Variants in SEC61B observed in about 807,000 individuals in gnomAD.
The protein encoded by SEC61B is SEC61 translocon subunit beta, also known as protein transport protein Sec61 subunit beta.
A neutral mutation model predicts 12.6 loss-of-function variants in SEC61B; 7 were observed. The ratio of observed to expected loss-of-function variants is 0.55; its 90% confidence interval spans 0.32 to 1.04. The LOEUF (loss-of-function observed/expected upper bound fraction) is 1.04, where lower values mean the gene tolerates loss of function less well. SEC61B is among the 50% of genes least tolerant of loss of function. The pLI is 0.05. For synonymous variants in SEC61B, 54 were observed against 50.1 expected (o/e 1.08, Z -0.33); for missense variants, 107 against 130.1 (o/e 0.82, Z 0.86).
At chr9:99,227,017 C>T (rs1482476709) in intron 2 of SEC61B, among the ~76,000 whole-genome samples, 1 of 151,920 alleles carries the variant, frequency 6.6e-6, no homozygotes, top group African/African-American at 2.4e-5. Context: ...CCTGTAATCC[C>T]AGCACTTTGG....
chr9:99,227,847 T>C, intron 2 of SEC61B, 52 bp from the exon 3 acceptor site: 1 of 1,279,372 alleles, frequency 7.8e-7, no homozygotes, highest in Non-Finnish European at 1.1e-6. Flanking sequence ...GTTATAATGC[T>C]ATTCTAATAA....
intron 3 of SEC61B, among the ~76,000 whole-genome samples, 197 bp from the exon 4 acceptor site, chr9:99,230,140 A>G (rs1271376863): frequency 6.6e-6 from 1 of 152,250 alleles, no homozygotes; most frequent in Non-Finnish European, 1.5e-5. Flanking sequence ...ACACAATTGC[A>G]GTGCCATCAT....
At chr9:99,223,882 G>T (rs1201438581) in intron 2 of SEC61B, among the ~76,000 whole-genome samples, 1 of 152,092 alleles carries the variant, frequency 6.6e-6, no homozygotes, top group Non-Finnish European at 1.5e-5. Flanking sequence ...TTTCCCTTTT[G>T]CCCCCATAGC....
chr9:99,225,303 G>T (rs1469148384), intron 2 of SEC61B, among the ~76,000 whole-genome samples: 2 of 152,198 alleles, frequency 1.3e-5, no homozygotes. Context: ...CTGGGTGGGG[G>T]ATAGAGAGTG....
intron 2 of SEC61B, among the ~76,000 whole-genome samples, chr9:99,223,686 C>T (rs1828864107): frequency 6.6e-6 from 1 of 152,230 alleles, no homozygotes; most frequent in African/African-American, 2.4e-5. Flanking sequence ...GCCACTGCGC[C>T]CGGCCTTCAG....
intron 3 of SEC61B, among the ~76,000 whole-genome samples, chr9:99,228,347 A>G (rs1236489601): frequency 2.0e-5 from 3 of 152,202 alleles, no homozygotes; most frequent in Non-Finnish European, 4.4e-5. Context: ...AGGAGTAATC[A>G]TTTGAATAGG....
At chr9:99,226,508 G>A (rs1229914267) in intron 2 of SEC61B, among the ~76,000 whole-genome samples, 3 of 152,180 alleles carry the variant, frequency 2.0e-5, no homozygotes, top group African/African-American at 7.2e-5. Context: ...TTGAGGGAGG[G>A]TATACTGGGA....
intron 2 of SEC61B, among the ~76,000 whole-genome samples, chr9:99,227,138 C>T (rs573782324): frequency 1.3e-5 from 2 of 151,930 alleles, no homozygotes; most frequent in East Asian, 1.9e-4. Context: ...TGGTGGCGCA[C>T]GCCTGTAATC....
At chr9:99,223,333 A>AG (rs1828857215) in intron 2 of SEC61B, among the ~76,000 whole-genome samples, 1 of 121,356 alleles carries the variant, frequency 8.2e-6, no homozygotes, top group Admixed American at 1.0e-4. Context: ...ACAAACAAAC[A>AG]AAAAAAAAAA....
Position 99,222,319 on chromosome 9 carries a change from C to G in SEC61B, c.-45C>G. ...TGCCGGTCTTTCGGGGGCTCCGTAA[C>G]TTTCTATCCGTCCGCGTCAGCGCCT... On this transcript the variant is annotated 5_prime_UTR_variant, in exon 1 of 4. Coordinates refer to ENST00000223641, the MANE Select transcript of SEC61B (RefSeq NM_006808.3). The G allele has an allele frequency of 6.2e-7, 1 of 1,614,132 alleles. No homozygotes were observed. The highest frequency in any genetic ancestry group is 8.5e-7 in the Non-Finnish European group (1 of 1,179,998).
At chr9:99,223,631 G>A (rs539858751) in intron 2 of SEC61B, among the ~76,000 whole-genome samples, 1 of 151,342 alleles carries the variant, frequency 6.6e-6, no homozygotes, top group African/African-American at 2.4e-5. Flanking sequence ...CTGACCTTGT[G>A]ATCCTCCGTC....
intron 2 of SEC61B, chr9:99,223,199 C>G (rs917485240): frequency 1.3e-5 from 2 of 152,072 alleles, no homozygotes; most frequent in Non-Finnish European, 1.5e-5. Context: ...TTTCCTTTTC[C>G]CTTTCTACTG....
intron 2 of SEC61B, among the ~76,000 whole-genome samples, chr9:99,227,418 C>G (rs1321331727): frequency 6.6e-6 from 1 of 151,888 alleles, no homozygotes; most frequent in Admixed American, 6.6e-5. Flanking sequence ...TAAAATACAT[C>G]TTTTAAAGTA....
chr9:99,225,488 G>A (rs1828884253), intron 2 of SEC61B, among the ~76,000 whole-genome samples: 1 of 152,176 alleles, frequency 6.6e-6, no homozygotes, highest in African/African-American at 2.4e-5. Flanking sequence ...GATGAGGTTG[G>A]CTTTGAGGAG....
At chr9:99,229,865 A>G (rs553556960) in intron 3 of SEC61B, among the ~76,000 whole-genome samples, 71 of 152,322 alleles carry the variant, frequency 4.7e-4, no homozygotes, top group African/African-American at 1.6e-3. Context: ...TTGTTTTACA[A>G]TATACAATTA....
chr9:99,227,685 T>C (rs1432713802), intron 2 of SEC61B, among the ~76,000 whole-genome samples: 2 of 152,222 alleles, frequency 1.3e-5, no homozygotes, highest in African/African-American at 2.4e-5. Context: ...TCGTGACTGC[T>C]TTTCAGGGTT....
chr9:99,224,121 A>G (rs894448989), intron 2 of SEC61B, among the ~76,000 whole-genome samples: 2 of 152,234 alleles, frequency 1.3e-5, no homozygotes, highest in African/African-American at 2.4e-5. Flanking sequence ...ACATGCATGG[A>G]AACTTCTGAA....
chr9:99,230,294 T>C (rs1486551744), intron 3 of SEC61B, 43 bp from the exon 4 acceptor site: 7 of 1,280,576 alleles, frequency 5.5e-6, no homozygotes, highest in Non-Finnish European at 7.9e-6. Context: ...TCTAATAGTA[T>C]ATTATTACTA....
chr9:99,222,844 T>A (rs985831221), intron 2 of SEC61B: 26 of 486,826 alleles, frequency 5.3e-5, no homozygotes, highest in Admixed American at 1.2e-4. Flanking sequence ...GGCACTACTC[T>A]TAAAAAAGGA....
Sources: allele counts gnomAD v4.1 joint callset (sites outside exome capture counted in the v4.1 genomes callset), GRCh38; gene constraint gnomAD v4.1.1; transcripts MANE v1.5; gene names NCBI Gene and HGNC (gene_info 2026-07-23, HGNC 2026-07-21).